The following PTPRD variants were observed in gnomAD, a reference collection of about 807,000 sequenced individuals.
The protein encoded by PTPRD is receptor-type tyrosine-protein phosphatase delta.
Under a neutral mutation model 214.5 loss-of-function variants are expected in PTPRD, and 34 were observed. The observed-to-expected ratio is 0.16, with a 90% confidence interval of 0.12 to 0.21. The LOEUF is 0.21. Ranked by LOEUF, PTPRD falls within the 10% of genes least tolerant of loss-of-function variation. PTPRD has a pLI of 1.00. For synonymous variants in PTPRD, 1,128 were observed against 845.7 expected, an observed-to-expected ratio of 1.33 and a Z score of -5.79; for missense variants, 2,545 against 2,398.7, an observed-to-expected ratio of 1.06 and a Z score of -1.27.
rs772550242 is a variant in PTPRD at position 8,726,022 on chromosome 9, G to GACAC, written c.64+7757_64+7758insGTGT. Among the ~76,000 whole-genome samples, 829 of 140,002 alleles carry GACAC rather than the reference G, an allele frequency of 5.9e-3. 8 individuals are homozygous for GACAC. Among genetic ancestry groups the GACAC allele is most frequent in the African/African-American group, 0.021 (739 of 35,690 alleles). 91.8% of individuals were successfully genotyped at this position (140,002 alleles called of 152,430 possible). A position where few individuals can be genotyped will look rare whatever the true frequency, so the allele number is the denominator to read the frequency against. On this transcript the variant is annotated intron_variant, in intron 12 of 45. Coordinates refer to ENST00000381196, the MANE Select transcript of PTPRD (RefSeq NM_002839.4). ...TTTCCACATAGCAGACAGACAGACA[G>GACAC]ACAGACACACACACACACACACACA...
intron 3 of PTPRD, among the ~76,000 whole-genome samples, chr9:10,333,253 T>C (rs541589290): frequency 1.9e-4 from 29 of 151,786 alleles, no homozygotes; most frequent in Middle Eastern, 3.4e-3. Context: ...TAAGCAGATC[T>C]CCCTGAAAGG....
intron 7 of PTPRD, among the ~76,000 whole-genome samples, chr9:9,636,168 C>T (rs1160762376): frequency 6.6e-6 from 1 of 152,128 alleles, no homozygotes; most frequent in East Asian, 1.9e-4. Context: ...TTTTTGCCCA[C>T]TCCTCACTCA....
rs146480862 is a variant in PTPRD, at chr9:9,458,467, T to A, written c.-236-60985A>T. Among the ~76,000 whole-genome samples the A allele has an allele frequency of 3.3e-5, 5 of 152,206 alleles. No homozygotes were observed. The East Asian group carries it at 9.7e-4, about 30-fold the overall frequency. Reference sequence around the variant, plus strand: ...TTTATTCTTTTAGGCTAACTTTGTATAATGAGTGTGCATGTCTTTACTTCA... The same window carrying A: ...TTTATTCTTTTAGGCTAACTTTGTAAAATGAGTGTGCATGTCTTTACTTCA... On this transcript the variant is annotated intron_variant, in intron 8 of 45. Coordinates refer to ENST00000381196, the MANE Select transcript of PTPRD (RefSeq NM_002839.4).
intron 8 of PTPRD, among the ~76,000 whole-genome samples, chr9:9,499,177 G>C (rs544777976): frequency 3.9e-5 from 6 of 152,092 alleles, no homozygotes; most frequent in African/African-American, 1.4e-4. Flanking sequence ...CATTCAGATA[G>C]TAGAATATAT....
chr9:9,237,388 C>T (rs1208476159), intron 9 of PTPRD, among the ~76,000 whole-genome samples: 1 of 152,106 alleles, frequency 6.6e-6, no homozygotes, highest in South Asian at 2.1e-4. Context: ...TATGATCATG[C>T]CACTGTACTC....
chr9:9,197,861 G>C (rs569842716), intron 9 of PTPRD, among the ~76,000 whole-genome samples: 33 of 152,056 alleles, frequency 2.2e-4, no homozygotes, highest in African/African-American at 7.7e-4. Context: ...TTTTCTTTAT[G>C]ATAGCTCCAG....
At chr9:9,737,151 G>C (rs1358653733) in intron 6 of PTPRD, among the ~76,000 whole-genome samples, 3 of 151,950 alleles carry the variant, frequency 2.0e-5, no homozygotes, top group African/African-American at 4.8e-5. Context: ...TTGAAAATAT[G>C]ACATTTTCAA....
At chr9:9,658,291 T>G (rs193213469) in intron 7 of PTPRD, among the ~76,000 whole-genome samples, 103 of 152,262 alleles carry the variant, frequency 6.8e-4, no homozygotes, top group African/African-American at 2.5e-3. Context: ...TGGTGAAAAT[T>G]TAAACATCAT....
chr9:8,713,671 G>A (rs2154407436), intron 12 of PTPRD: 5 of 1,511,158 alleles, frequency 3.3e-6, no homozygotes, highest in Non-Finnish European at 4.6e-6. Context: ...CCGCGCCCGG[G>A]CCCACTCCAT....
intron 36 of PTPRD, among the ~76,000 whole-genome samples, chr9:8,396,200 A>T (rs1004178572): frequency 6.6e-6 from 1 of 152,106 alleles, no homozygotes; most frequent in African/African-American, 2.4e-5. Flanking sequence ...GAATTAAATG[A>T]ATCAATACAT....
At chr9:10,134,111 C>T (rs1294147341) in intron 3 of PTPRD, among the ~76,000 whole-genome samples, 1 of 152,064 alleles carries the variant, frequency 6.6e-6, no homozygotes, top group African/African-American at 2.4e-5. Flanking sequence ...GCAACACTAC[C>T]CTGCCCAGAG....
chr9:8,628,041 T>C (rs2096106648), intron 14 of PTPRD, among the ~76,000 whole-genome samples: 1 of 151,910 alleles, frequency 6.6e-6, no homozygotes, highest in Non-Finnish European at 1.5e-5. Flanking sequence ...AGCACGTTTG[T>C]TCTGTGTTGG....
chr9:9,501,222 CA>C (rs1364147397), intron 8 of PTPRD, among the ~76,000 whole-genome samples: 2 of 151,614 alleles, frequency 1.3e-5, no homozygotes, highest in Non-Finnish European at 2.9e-5. Context: ...TCAAATTGGA[CA>C]AATAAGAGTC....
intron 9 of PTPRD, among the ~76,000 whole-genome samples, chr9:9,198,229 T>G (rs544070966): frequency 1.5e-4 from 23 of 152,270 alleles, no homozygotes; most frequent in Non-Finnish European, 2.5e-4. Flanking sequence ...CAGTTTTCAC[T>G]GGGAGATTTT....
intron 2 of PTPRD, among the ~76,000 whole-genome samples, chr9:10,422,852 T>C (rs2098557596): frequency 6.6e-6 from 1 of 152,116 alleles, no homozygotes; most frequent in African/African-American, 2.4e-5. Context: ...TTTACACTGT[T>C]GGTGGGAGTG....
intron 35 of PTPRD, among the ~76,000 whole-genome samples, chr9:8,425,823 G>A (rs975297861): frequency 2.6e-5 from 4 of 152,110 alleles, no homozygotes; most frequent in Non-Finnish European, 5.9e-5. Flanking sequence ...GTTAAATAAT[G>A]TGTCTAGGGG....
intron 8 of PTPRD, among the ~76,000 whole-genome samples, chr9:9,567,724 A>T (rs951467489): frequency 6.6e-6 from 1 of 151,934 alleles, no homozygotes; most frequent in African/African-American, 2.4e-5. Context: ...ATCCCCCTCC[A>T]TGCTTCTCTA....
At chr9:9,447,356 C>A (rs1366810275) in intron 8 of PTPRD, among the ~76,000 whole-genome samples, 1 of 152,222 alleles carries the variant, frequency 6.6e-6, no homozygotes, top group East Asian at 1.9e-4. Flanking sequence ...AGATCATGTC[C>A]TTTGCAGGCT....
chr9:8,442,684 G>A (rs1478107069), intron 34 of PTPRD, among the ~76,000 whole-genome samples: 2 of 152,136 alleles, frequency 1.3e-5, no homozygotes, highest in African/African-American at 2.4e-5. Flanking sequence ...TTGACATAAT[G>A]TATGCACTAT....
Sources: allele counts gnomAD v4.1 joint callset (sites outside exome capture counted in the v4.1 genomes callset), GRCh38; gene constraint gnomAD v4.1.1; transcripts MANE v1.5; gene names NCBI Gene and HGNC (gene_info 2026-07-23, HGNC 2026-07-21).